SEPTIN11: variants seen among roughly 807,000 people sequenced by gnomAD.
SEPTIN11 encodes septin 11.
SEPTIN11 carries 25 observed loss-of-function variants against 51.4 expected under a neutral mutation model. The ratio of observed to expected loss-of-function variants is 0.49; its 90% CI spans 0.35 to 0.68. The LOEUF (loss-of-function observed/expected upper bound fraction) is 0.68. Among genes scored for constraint, SEPTIN11 ranks in the 30% least tolerant of loss-of-function variants. The pLI is 0.00. For synonymous variants in SEPTIN11, 174 were observed against 184.1 expected, an observed-to-expected ratio of 0.95 and a Z score of 0.44; for missense variants, 381 against 520.8, an observed-to-expected ratio of 0.73 and a Z score of 2.61.
intron 2 of SEPTIN11, among the ~76,000 whole-genome samples, chr4:76,996,747 T>C (rs1290395025): frequency 6.6e-6 from 1 of 152,246 alleles, no homozygotes; most frequent in African/African-American, 2.4e-5. Flanking sequence ...TGTTTTGTCA[T>C]GTTACTCAAA....
At chr4:76,989,154 C>T (rs1044131619) in intron 1 of SEPTIN11, among the ~76,000 whole-genome samples, 2 of 152,000 alleles carry the variant, frequency 1.3e-5, no homozygotes, top group Admixed American at 6.6e-5. Flanking sequence ...AACATAAGCC[C>T]GAGGATTAAG....
intron 1 of SEPTIN11, among the ~76,000 whole-genome samples, chr4:76,955,989 A>C (rs1392756393): frequency 6.6e-6 from 1 of 152,164 alleles, no homozygotes; most frequent in Non-Finnish European, 1.5e-5. Flanking sequence ...GTTCTCCAAA[A>C]AGGAAATTAA....
intron 1 of SEPTIN11, 101 bp downstream of exon 1, chr4:76,950,031 C>T (rs924671017): frequency 1.4e-5 from 17 of 1,216,678 alleles, no homozygotes; most frequent in Non-Finnish European, 1.6e-5. Flanking sequence ...GGGTGCTCGG[C>T]CCCGCGGCGG....
At chr4:76,988,501 T>C (rs1311006059) in intron 1 of SEPTIN11, among the ~76,000 whole-genome samples, 1 of 152,222 alleles carries the variant, frequency 6.6e-6, no homozygotes, top group East Asian at 1.9e-4. Flanking sequence ...ATTTCCTAGG[T>C]TTTTTGTTTG....
At chr4:76,956,896 C>G (rs1283062890) in intron 1 of SEPTIN11, among the ~76,000 whole-genome samples, 2 of 149,846 alleles carry the variant, frequency 1.3e-5, no homozygotes, top group Non-Finnish European at 3.0e-5. Flanking sequence ...AAATTGTATC[C>G]CTGTCTGTAA....
chr4:77,019,457 G>A (rs922500222), intron 6 of SEPTIN11, among the ~76,000 whole-genome samples, 196 bp downstream of exon 6: 1 of 152,202 alleles, frequency 6.6e-6, no homozygotes, highest in Non-Finnish European at 1.5e-5. Context: ...ACAATGGAGA[G>A]ACATGGCTGC....
At chr4:76,983,677 CT>C (rs1456637886) in intron 1 of SEPTIN11, among the ~76,000 whole-genome samples, 2 of 152,174 alleles carry the variant, frequency 1.3e-5, no homozygotes, top group Non-Finnish European at 2.9e-5. Context: ...CTATTCCATC[CT>C]GATATTGTTT....
intron 1 of SEPTIN11, among the ~76,000 whole-genome samples, chr4:76,951,162 A>C (rs549459495): frequency 6.6e-6 from 1 of 152,030 alleles, no homozygotes; most frequent in South Asian, 2.1e-4. Context: ...CTCCCCGCCT[A>C]ACTCCTCCCC....
downstream of SEPTIN11, chr4:77,038,705 A>T: frequency 1.0e-6 from 1 of 966,768 alleles, no homozygotes; most frequent in Non-Finnish European, 1.3e-6. Flanking sequence ...TAGGGATAAG[A>T]GTCTCATGCT....
chr4:76,996,607 A>G, intron 2 of SEPTIN11, 68 bp downstream of exon 2: 1 of 1,119,772 alleles, frequency 8.9e-7, no homozygotes, highest in African/African-American at 1.5e-5. Context: ...TGTCGGAGAG[A>G]CATGCTTCAG....
intron 1 of SEPTIN11, among the ~76,000 whole-genome samples, chr4:76,982,852 C>G (rs1722833059): frequency 6.6e-6 from 1 of 152,112 alleles, no homozygotes; most frequent in Non-Finnish European, 1.5e-5. Context: ...AAAGGTTTGC[C>G]TTGGTAGCCT....
chr4:76,955,375 C>G (rs1433903648), intron 1 of SEPTIN11, among the ~76,000 whole-genome samples: 1 of 152,064 alleles, frequency 6.6e-6, no homozygotes, highest in Non-Finnish European at 1.5e-5. Flanking sequence ...TGGAAGTGTT[C>G]CAAGCCCAGG....
chr4:76,966,181 T>A (rs915772382), intron 1 of SEPTIN11, among the ~76,000 whole-genome samples: 1 of 152,210 alleles, frequency 6.6e-6, no homozygotes, highest in Non-Finnish European at 1.5e-5. Context: ...GAGTAAGTAG[T>A]TGGATGGCGC....
intron 1 of SEPTIN11, among the ~76,000 whole-genome samples, chr4:76,989,554 G>A (rs904133833): frequency 1.3e-5 from 2 of 152,130 alleles, no homozygotes; most frequent in African/African-American, 4.8e-5. Flanking sequence ...GTTTAAGTAT[G>A]GTGAATAAAA....
chr4:76,964,251 A>G (rs1721938062), intron 1 of SEPTIN11, among the ~76,000 whole-genome samples: 1 of 150,334 alleles, frequency 6.7e-6, no homozygotes, highest in Non-Finnish European at 1.5e-5. Flanking sequence ...AGTATAATGA[A>G]CCCTTCCGTC....
At chr4:76,994,430 A>G (rs1301644585) in intron 1 of SEPTIN11, among the ~76,000 whole-genome samples, 1 of 152,248 alleles carries the variant, frequency 6.6e-6, no homozygotes, top group Non-Finnish European at 1.5e-5. Flanking sequence ...CCCAGCTACA[A>G]GGACTGCTGC....
chr4:77,005,546 C>G (rs1420392780), intron 2 of SEPTIN11, 55 bp from the exon 3 acceptor site: 4 of 1,448,990 alleles, frequency 2.8e-6, no homozygotes, highest in Admixed American at 1.9e-5. Context: ...ATGAATTGAA[C>G]TGATGTCTGA....
chr4:77,032,645 G>A (rs576294535), intron 9 of SEPTIN11, among the ~76,000 whole-genome samples: 1 of 152,284 alleles, frequency 6.6e-6, no homozygotes, highest in East Asian at 1.9e-4. Context: ...TTACAGCTTA[G>A]GAAATGCAAA....
chr4:77,020,171 G>C (rs879365141), intron 6 of SEPTIN11, among the ~76,000 whole-genome samples: 1 of 152,146 alleles, frequency 6.6e-6, no homozygotes, highest in South Asian at 2.1e-4. Flanking sequence ...TGCTCACCAA[G>C]CTCCTGCGTC....
Sources: gnomAD v4.1 joint callset for allele counts (sites outside exome capture counted in the v4.1 genomes callset) on GRCh38, gnomAD v4.1.1 for gene constraint, MANE v1.5 for transcripts, NCBI Gene and HGNC (gene_info 2026-07-23, HGNC 2026-07-21) for gene names.